PHF8: variants seen among roughly 807,000 people sequenced by gnomAD.
PHF8 encodes PHD finger protein 8.
In PHF8, 9 loss-of-function variants were observed where a neutral mutation model predicts 74.4. The ratio of observed to expected loss-of-function variants is 0.12; its 90% confidence interval spans 0.07 to 0.21. The LOEUF is 0.21. PHF8 is among the 10% of genes least tolerant of loss of function. The probability of loss-of-function intolerance (pLI) is 1.00; values close to 1 mark genes in which losing one functional copy is unlikely to be tolerated. For synonymous variants in PHF8, 311 were observed against 316.6 expected (o/e 0.98, Z 0.19); for missense variants, 478 against 816.6 (o/e 0.59, Z 5.05).
chrX:54,010,673 G>A (rs2065970473), intron 8 of PHF8, among the ~76,000 whole-genome samples: 1 of 111,035 alleles, frequency 9.0e-6, no homozygotes, highest in African/African-American at 3.3e-5. Context: ...GAGACAACTG[G>A]GGGATTTTTT....
chrX:53,976,918 C>G (rs781936421), intron 18 of PHF8, among the ~76,000 whole-genome samples: 2 of 111,548 alleles, frequency 1.8e-5, no homozygotes, highest in African/African-American at 6.5e-5. Flanking sequence ...AAAACTCACC[C>G]AAACTCTTTC....
At chrX:53,978,123 T>C (rs1557096769) in intron 18 of PHF8, among the ~76,000 whole-genome samples, 1 of 108,779 alleles carries the variant, frequency 9.2e-6, no homozygotes, top group Admixed American at 9.8e-5. Context: ...ATTTTTTGTA[T>C]TTTTAGTAGA....
chrX:53,940,100 T>C (rs2064726558), intron 21 of PHF8, 80 bp downstream of exon 21: 1 of 790,501 alleles, frequency 1.3e-6, no homozygotes, highest in African/African-American at 2.0e-5. Context: ...CTCCCTGGTA[T>C]TGTCATCTAC....
chrX:53,954,568 A>T (rs1451424772), intron 19 of PHF8, among the ~76,000 whole-genome samples: 1 of 105,546 alleles, frequency 9.5e-6, no homozygotes, highest in Non-Finnish European at 1.9e-5. Flanking sequence ...CGTAACACGT[A>T]AGATTTTGCT....
intron 19 of PHF8, among the ~76,000 whole-genome samples, chrX:53,952,775 C>T (rs1557087317): frequency 3.8e-5 from 4 of 105,119 alleles, no homozygotes; most frequent in Admixed American, 3.1e-4. Flanking sequence ...CCCAACTACT[C>T]GGGAGGCTGA....
intron 14 of PHF8, among the ~76,000 whole-genome samples, chrX:53,991,478 A>G (rs1431700200): frequency 9.1e-6 from 1 of 109,491 alleles, no homozygotes; most frequent in Non-Finnish European, 1.9e-5. Context: ...CCTGGCCAAC[A>G]TGCGGAAACC....
At position 54,007,188 on chromosome X, in the gene PHF8, G is replaced by C. The variant is rs145345946; in HGVS notation, c.946+3934C>G. Among the ~76,000 whole-genome samples the C allele has an allele frequency of 5.4e-5, 6 of 111,351 alleles. No homozygotes were observed. In the East Asian group the frequency reaches 1.4e-3, roughly 26 times the overall value. On this transcript the variant is annotated intron_variant, in intron 8 of 21. Coordinates refer to ENST00000338154, the MANE Select transcript of PHF8 (RefSeq NM_015107.3). The stretch of plus-strand genomic sequence containing the variant: ...AAGAACAGTCTTTTCAAAAGGTTCT[G>C]GGACAACTAGAACTACATACAAAAG...
chrX:54,016,887 G>A (rs1031897410), intron 5 of PHF8, 151 bp from the exon 6 acceptor site: 5 of 490,012 alleles, frequency 1.0e-5, no homozygotes, highest in African/African-American at 4.7e-5. Flanking sequence ...GGGGGGCAGG[G>A]GAAGGAACCC....
At chrX:53,997,289 A>G (rs2065763728) in intron 11 of PHF8, among the ~76,000 whole-genome samples, 2 of 111,676 alleles carry the variant, frequency 1.8e-5, no homozygotes. Flanking sequence ...CGAGATTTAC[A>G]TTTTTATGTA....
chrX:53,969,634 C>T (rs2065263729), intron 18 of PHF8, among the ~76,000 whole-genome samples: 1 of 112,134 alleles, frequency 8.9e-6, no homozygotes, highest in Admixed American at 9.5e-5. Flanking sequence ...CTAAAATTCA[C>T]ATAAAACTGC....
intron 8 of PHF8, among the ~76,000 whole-genome samples, chrX:54,005,194 G>A (rs955242369): frequency 6.3e-5 from 7 of 110,723 alleles, no homozygotes; most frequent in South Asian, 3.7e-4. Context: ...GCAGCCTGGC[G>A]CGGTGGCTCA....
At chrX:54,012,205 A>AT (rs1272872398) in intron 7 of PHF8, among the ~76,000 whole-genome samples, 4 of 111,319 alleles carry the variant, frequency 3.6e-5, no homozygotes, top group Admixed American at 1.9e-4. Flanking sequence ...TCAGGAAAAA[A>AT]ATATATATAT....
intron 18 of PHF8, among the ~76,000 whole-genome samples, chrX:53,979,766 C>G (rs1311527479): frequency 9.1e-6 from 1 of 110,431 alleles, no homozygotes; most frequent in East Asian, 2.8e-4. Flanking sequence ...GATTTTAAAA[C>G]AAAAAAAAAT....
At chrX:54,042,031 G>A (rs1224411106) in intron 2 of PHF8, among the ~76,000 whole-genome samples, 2 of 111,976 alleles carry the variant, frequency 1.8e-5, no homozygotes, top group Admixed American at 9.5e-5. Flanking sequence ...GACCGGGCAC[G>A]GTGGCTCACG....
intron 19 of PHF8, 80 bp downstream of exon 19, chrX:53,962,764 T>G (rs1249317430): frequency 1.7e-6 from 1 of 588,151 alleles, no homozygotes; most frequent in Non-Finnish European, 3.0e-6. Context: ...TCAGGTCTTC[T>G]GATATTAAAT....
At chrX:54,021,900 C>A (rs1210228614) in intron 4 of PHF8, among the ~76,000 whole-genome samples, 10 of 111,510 alleles carry the variant, frequency 9.0e-5, no homozygotes, top group African/African-American at 3.3e-4. Flanking sequence ...ACAAGGCCAG[C>A]TTAATTTTAA....
chrX:54,038,545 C>G (rs1192963952), intron 2 of PHF8, among the ~76,000 whole-genome samples: 3 of 111,940 alleles, frequency 2.7e-5, no homozygotes, highest in Non-Finnish European at 5.6e-5. Flanking sequence ...CCAAGTGAGT[C>G]TGATACATGC....
At chrX:54,018,342 A>ACC (rs2066105930) in intron 4 of PHF8, among the ~76,000 whole-genome samples, 1 of 110,758 alleles carries the variant, frequency 9.0e-6, no homozygotes, top group East Asian at 2.8e-4. Context: ...CTACAGTCCT[A>ACC]CGTACTTGGG....
At chrX:54,006,853 G>A (rs1418742377) in intron 8 of PHF8, among the ~76,000 whole-genome samples, 2 of 106,674 alleles carry the variant, frequency 1.9e-5, no homozygotes, top group Non-Finnish European at 3.8e-5. Context: ...CAGGAGAATC[G>A]CTTGAACCCA....
Sources: gnomAD v4.1 joint callset for allele counts (sites outside exome capture counted in the v4.1 genomes callset) on GRCh38, gnomAD v4.1.1 for gene constraint, MANE v1.5 for transcripts, NCBI Gene and HGNC (gene_info 2026-07-23, HGNC 2026-07-21) for gene names.